CDH13: variants seen among roughly 807,000 people sequenced by gnomAD.
CDH13 encodes the protein cadherin-13.
Under a neutral mutation model 63.8 loss-of-function variants are expected in CDH13, and 24 were observed. That is an observed-to-expected ratio of 0.38 (90% CI 0.27 to 0.53). The LOEUF is 0.53. Ranked by LOEUF, CDH13 falls within the 20% of genes least tolerant of loss-of-function variation. The pLI is 0.85. For synonymous variants in CDH13, 503 were observed against 355.3 expected (o/e 1.42, Z -4.67); for missense variants, 1,049 against 903.1 (o/e 1.16, Z -2.07).
chr16:82,902,166 T>C (rs556411183), intron 2 of CDH13, among the ~76,000 whole-genome samples: 2 of 152,150 alleles, frequency 1.3e-5, no homozygotes, highest in African/African-American at 4.8e-5. Context: ...GGTGATTTGT[T>C]AAAAGCTTAA....
At chr16:83,270,579 G>A (rs72802297) in intron 5 of CDH13, among the ~76,000 whole-genome samples, 14,342 of 152,164 alleles carry the variant, frequency 0.094, 806 homozygotes, top group Non-Finnish European at 0.12. Context: ...CACAGCTCAC[G>A]TGTAGGTGCA....
intron 2 of CDH13, among the ~76,000 whole-genome samples, chr16:82,881,883 G>T (rs966002691): frequency 6.6e-6 from 1 of 152,036 alleles, no homozygotes; most frequent in African/African-American, 2.4e-5. Flanking sequence ...TTTTGAGGCT[G>T]GCACCACCCT....
At chr16:82,969,450 C>T (rs565499233) in intron 2 of CDH13, among the ~76,000 whole-genome samples, 61 of 148,112 alleles carry the variant, frequency 4.1e-4, no homozygotes, top group African/African-American at 1.5e-3. Flanking sequence ...GGAAATCCCT[C>T]ATTTTCTCTG....
intron 1 of CDH13, among the ~76,000 whole-genome samples, chr16:82,850,853 C>G (rs949534449): frequency 1.3e-5 from 2 of 152,136 alleles, no homozygotes; most frequent in Non-Finnish European, 2.9e-5. Flanking sequence ...TTAGTAAAAA[C>G]GTATTTTTAA....
intron 6 of CDH13, among the ~76,000 whole-genome samples, chr16:83,403,130 T>C (rs1184684394): frequency 6.6e-6 from 1 of 152,144 alleles, no homozygotes; most frequent in Admixed American, 6.5e-5. Context: ...CCCCATTTTG[T>C]TATAATGAAA....
intron 5 of CDH13, among the ~76,000 whole-genome samples, chr16:83,237,394 C>T (rs992966087): frequency 1.7e-4 from 26 of 152,176 alleles, no homozygotes; most frequent in Admixed American, 1.7e-3. Flanking sequence ...TACCTTACAT[C>T]GTAGAGAAGG....
intron 7 of CDH13, among the ~76,000 whole-genome samples, chr16:83,540,715 G>A (rs2075282699): frequency 6.6e-6 from 1 of 152,198 alleles, no homozygotes; most frequent in Non-Finnish European, 1.5e-5. Context: ...AGTAGTAACT[G>A]TTGTAGTGAC....
At chr16:83,658,944 TCAC>T (rs920091871) in intron 8 of CDH13, among the ~76,000 whole-genome samples, 4 of 118,896 alleles carry the variant, frequency 3.4e-5, no homozygotes, top group African/African-American at 1.3e-4. Flanking sequence ...TCCCATGTCC[TCAC>T]CACCAGGTCC....
intron 1 of CDH13, among the ~76,000 whole-genome samples, chr16:82,831,751 C>T (rs2038551728): frequency 6.6e-6 from 1 of 152,204 alleles, no homozygotes; most frequent in Admixed American, 6.5e-5. Flanking sequence ...GTCAATCTTC[C>T]TAATGATTAA....
intron 3 of CDH13, among the ~76,000 whole-genome samples, chr16:83,096,200 C>G (rs1388833342): frequency 6.6e-6 from 1 of 152,142 alleles, no homozygotes; most frequent in Non-Finnish European, 1.5e-5. Flanking sequence ...TGGACTTTGT[C>G]CTTGTGAATC....
intron 1 of CDH13, among the ~76,000 whole-genome samples, chr16:82,831,674 TA>T: frequency 6.6e-6 from 1 of 152,126 alleles, no homozygotes; most frequent in East Asian, 1.9e-4. Flanking sequence ...ACAGAAGAGG[TA>T]AAACAAATTC....
At chr16:82,740,933 A>G (rs552065151) in intron 1 of CDH13, among the ~76,000 whole-genome samples, 72 of 152,330 alleles carry the variant, frequency 4.7e-4, no homozygotes, top group Admixed American at 9.8e-4. Context: ...TATAAAAGAA[A>G]TAACTTTAAA....
intron 2 of CDH13, among the ~76,000 whole-genome samples, chr16:82,969,135 A>T (rs1183033070): frequency 6.6e-6 from 1 of 152,210 alleles, no homozygotes; most frequent in Non-Finnish European, 1.5e-5. Flanking sequence ...AAACATTTTT[A>T]ATTATTTAAA....
At chr16:83,057,532 G>C (rs770085859) in intron 3 of CDH13, among the ~76,000 whole-genome samples, 1 of 151,394 alleles carries the variant, frequency 6.6e-6, no homozygotes, top group South Asian at 2.1e-4. Context: ...AGTAGTAATT[G>C]GATGACTCCC....
At chr16:82,641,144 C>T (rs111331050) in intron 1 of CDH13, among the ~76,000 whole-genome samples, 28 of 152,166 alleles carry the variant, frequency 1.8e-4, no homozygotes, top group African/African-American at 6.8e-4. Flanking sequence ...GTGTAAAGCT[C>T]ATTTCCGAAT....
At chr16:83,478,463 G>A (rs1016826884) in intron 6 of CDH13, among the ~76,000 whole-genome samples, 3 of 152,106 alleles carry the variant, frequency 2.0e-5, no homozygotes, top group Non-Finnish European at 4.4e-5. Context: ...AAGGTCATTA[G>A]CATCTTCATC....
At chr16:83,068,512 C>G (rs1898278895) in intron 3 of CDH13, among the ~76,000 whole-genome samples, 1 of 152,154 alleles carries the variant, frequency 6.6e-6, no homozygotes, top group African/African-American at 2.4e-5. Context: ...CGGTACAATT[C>G]TCACACTCGT....
chr16:83,168,850 G>A (rs1467573374), intron 4 of CDH13, among the ~76,000 whole-genome samples: 1 of 152,014 alleles, frequency 6.6e-6, no homozygotes. Flanking sequence ...TCCAAACCAT[G>A]ATATTTAATG....
intron 7 of CDH13, among the ~76,000 whole-genome samples, chr16:83,564,259 A>G (rs2075754488): frequency 1.3e-5 from 2 of 152,172 alleles, no homozygotes; most frequent in Admixed American, 1.3e-4. Context: ...AAATCTAGCA[A>G]GAAAAAATGG....
Sources: gnomAD v4.1 joint callset for allele counts (sites outside exome capture counted in the v4.1 genomes callset) on GRCh38, gnomAD v4.1.1 for gene constraint, MANE v1.5 for transcripts, NCBI Gene and HGNC (gene_info 2026-07-23, HGNC 2026-07-21) for gene names.